UPP2: variants seen among roughly 807,000 people sequenced by gnomAD.
The protein encoded by UPP2 is UPase 2.
A neutral mutation model predicts 26.7 loss-of-function variants in UPP2; 23 were observed. That is an observed-to-expected ratio of 0.86 (90% CI 0.62 to 1.22). The LOEUF is 1.22. UPP2 is among the 50% of genes most tolerant of loss of function. UPP2 has a pLI of 0.00. For missense variants in UPP2, 387 were observed against 396.7 expected (o/e 0.98, Z 0.21); for synonymous variants, 127 against 141.3 (o/e 0.90, Z 0.72).
chr2:158,029,653 C>T (rs921178912), intron 3 of UPP2, among the ~76,000 whole-genome samples: 1 of 151,318 alleles, frequency 6.6e-6, no homozygotes, highest in African/African-American at 2.5e-5. Context: ...AAACTGGGCA[C>T]TCCTTACCTA....
chr2:158,036,432 T>C (rs1684001164), intron 3 of UPP2, among the ~76,000 whole-genome samples: 1 of 152,214 alleles, frequency 6.6e-6, no homozygotes, highest in African/African-American at 2.4e-5. Context: ...GGTCTTGTAA[T>C]TGACCTCAAT....
intron 3 of UPP2, among the ~76,000 whole-genome samples, chr2:158,093,431 C>A (rs1185971513): frequency 6.6e-6 from 1 of 152,074 alleles, no homozygotes; most frequent in African/African-American, 2.4e-5. Flanking sequence ...ACCTGATACA[C>A]TCCTAAAACA....
At chr2:158,084,436 C>T (rs1254827598) in intron 3 of UPP2, among the ~76,000 whole-genome samples, 1 of 152,036 alleles carries the variant, frequency 6.6e-6, no homozygotes, top group African/African-American at 2.4e-5. Context: ...GATTTTCTCC[C>T]ATTCTGTAGG....
At chr2:158,123,649 A>G (rs1227031146) in intron 5 of UPP2, 100 bp from the exon 6 acceptor site, 1 of 1,379,334 alleles carries the variant, frequency 7.2e-7, no homozygotes, top group Non-Finnish European at 9.9e-7. Context: ...CTGTAGAGTT[A>G]GACAGCGGCA....
At chr2:158,096,044 A>G (rs1488946683) in intron 3 of UPP2, among the ~76,000 whole-genome samples, 2 of 152,176 alleles carry the variant, frequency 1.3e-5, no homozygotes, top group African/African-American at 4.8e-5. Flanking sequence ...TTTCAGTCTT[A>G]AGGCCCTCTG....
At chr2:158,099,219 C>T (rs944920658), upstream of UPP2, among the ~76,000 whole-genome samples, 8 of 152,174 alleles carry the variant, frequency 5.3e-5, no homozygotes, top group Non-Finnish European at 4.4e-5. Context: ...ACTTCCTAGA[C>T]TTCCTGGAGC....
chr2:158,065,706 G>T, intron 3 of UPP2: 1 of 646,786 alleles, frequency 1.5e-6, no homozygotes, highest in South Asian at 1.6e-5. Flanking sequence ...AGCAACTTAT[G>T]ACACTACTCT....
intron 3 of UPP2, among the ~76,000 whole-genome samples, chr2:158,062,449 G>A (rs369450341): frequency 6.6e-6 from 1 of 152,276 alleles, no homozygotes; most frequent in Non-Finnish European, 1.5e-5. Flanking sequence ...CCTGGGACAT[G>A]TATCCACGTG....
At chr2:158,035,344 A>C (rs1683984353) in intron 3 of UPP2, among the ~76,000 whole-genome samples, 1 of 152,010 alleles carries the variant, frequency 6.6e-6, no homozygotes, top group Non-Finnish European at 1.5e-5. Context: ...TTTAGTGGAT[A>C]CGGGGTTTCA....
intron 3 of UPP2, among the ~76,000 whole-genome samples, chr2:158,051,655 C>A (rs10206347): frequency 0.013 from 1,942 of 152,100 alleles, 44 homozygotes; most frequent in African/African-American, 0.044. Context: ...GTGGCGGGCA[C>A]CTGTAATCCC....
At chr2:158,053,889 C>T (rs1349454309) in intron 3 of UPP2, among the ~76,000 whole-genome samples, 2 of 152,124 alleles carry the variant, frequency 1.3e-5, no homozygotes, top group Non-Finnish European at 2.9e-5. Context: ...AGTGTTATTC[C>T]AAAGAAGGGG....
At position 158,073,038 on chromosome 2, in the gene UPP2, G is replaced by T. The variant is rs149065824; in HGVS notation, c.148-29002G>T. Among the ~76,000 whole-genome samples, 63 of 152,214 alleles carry T rather than the reference G, an allele frequency of 4.1e-4. No individual in the cohort carries two copies. The East Asian group carries it at 8.7e-3, about 21-fold the overall frequency. On this transcript the variant is annotated intron_variant, in intron 3 of 9. Transcript: ENST00000605860. The stretch of plus-strand genomic sequence containing the variant: ...AGAGATATGTGATCTTTCAGACAGA[G>T]AATTCAAAATAGCTGTTTTGAGGAA...
At position 158,115,085 on chromosome 2, in the gene UPP2, T is replaced by A. The variant is rs750041335; in HGVS notation, c.181-16T>A. The A allele has an allele frequency of 3.9e-5, 62 of 1,585,590 alleles. No homozygotes were observed. Among genetic ancestry groups the A allele is most frequent in the Admixed American group, 7.5e-5 (4 of 53,540 alleles). The stretch of plus-strand genomic sequence containing the variant: ...CCCAGTTACTATGGCAGGCCCTTGT[T>A]TATTTTTATTAACAGTTTGTCTGTG... On this transcript the variant is annotated splice_polypyrimidine_tract_variant and intron_variant, in intron 2 of 6. Transcript: ENST00000005756.
intron 3 of UPP2, among the ~76,000 whole-genome samples, chr2:158,045,497 A>G (rs1359544290): frequency 1.3e-5 from 2 of 152,112 alleles, no homozygotes; most frequent in East Asian, 1.9e-4. Context: ...TGGCATGAGC[A>G]TTTCGCTCCA....
At chr2:158,093,269 C>CGT (rs1574286425) in intron 3 of UPP2, among the ~76,000 whole-genome samples, 1 of 115,194 alleles carries the variant, frequency 8.7e-6, no homozygotes, top group East Asian at 3.5e-4. Flanking sequence ...TAAAAAGAAA[C>CGT]ATACACACAC....
chr2:158,020,694 G>A (rs1018510990), intron 3 of UPP2, among the ~76,000 whole-genome samples: 2 of 152,312 alleles, frequency 1.3e-5, no homozygotes, highest in Middle Eastern at 3.4e-3. Flanking sequence ...AGCATTGTTC[G>A]TGCACAGATG....
chr2:158,031,733 T>C (rs1489182393), intron 3 of UPP2, among the ~76,000 whole-genome samples: 1 of 152,252 alleles, frequency 6.6e-6, no homozygotes, highest in Non-Finnish European at 1.5e-5. Context: ...CAGAAGGCTA[T>C]GAAATAACAT....
At chr2:158,064,727 C>T (rs975761905) in intron 3 of UPP2, among the ~76,000 whole-genome samples, 24 of 152,096 alleles carry the variant, frequency 1.6e-4, no homozygotes, top group African/African-American at 3.9e-4. Context: ...CTAAGTCTTA[C>T]GTTTAAGTCT....
At chr2:158,041,083 G>A (rs1238645620) in intron 3 of UPP2, among the ~76,000 whole-genome samples, 2 of 152,138 alleles carry the variant, frequency 1.3e-5, no homozygotes, top group East Asian at 3.8e-4. Context: ...AGCAGTAAAT[G>A]AAATAATATA....
Sources: allele counts gnomAD v4.1 joint callset (sites outside exome capture counted in the v4.1 genomes callset), GRCh38; gene constraint gnomAD v4.1.1; transcripts MANE v1.5; gene names NCBI Gene and HGNC (gene_info 2026-07-23, HGNC 2026-07-21).